FOCAD: variants seen among roughly 807,000 people sequenced by gnomAD.
The protein encoded by FOCAD is focadhesin.
FOCAD carries 198 observed loss-of-function variants against 225.6 expected under a neutral mutation model. The observed-to-expected ratio is 0.88, with a 90% CI of 0.78 to 0.99. The LOEUF (loss-of-function observed/expected upper bound fraction) is 0.99, where lower values mean the gene tolerates loss of function less well. Ranked by LOEUF, FOCAD falls within the 50% of genes least tolerant of loss-of-function variation. The pLI is 0.00. For synonymous variants in FOCAD, 897 were observed against 755.0 expected, an observed-to-expected ratio of 1.19 and a Z score of -3.08; for missense variants, 2,713 against 2,123.6, an observed-to-expected ratio of 1.28 and a Z score of -5.46.
At chr9:20,862,882 T>A (rs1046395780) in intron 16 of FOCAD, 170 bp downstream of exon 16, 2 of 511,516 alleles carry the variant, frequency 3.9e-6, no homozygotes, top group Non-Finnish European at 6.3e-6. Context: ...ATCAATCTTA[T>A]GTCTAAAATG....
chr9:20,808,048 GA>G (rs201024216), intron 11 of FOCAD, among the ~76,000 whole-genome samples: 36 of 142,150 alleles, frequency 2.5e-4, no homozygotes, highest in Middle Eastern at 3.6e-3. Context: ...CTCCGTCTAA[GA>G]AAAAAAAAAA....
chr9:20,859,724 A>C (rs1352835787), intron 15 of FOCAD, among the ~76,000 whole-genome samples: 3 of 147,638 alleles, frequency 2.0e-5, no homozygotes, highest in Non-Finnish European at 4.5e-5. Flanking sequence ...TTATATATAT[A>C]TATAAAAAGA....
At chr9:20,734,279 C>T (rs965996106) in intron 4 of FOCAD, among the ~76,000 whole-genome samples, 1 of 152,086 alleles carries the variant, frequency 6.6e-6, no homozygotes, top group Non-Finnish European at 1.5e-5. Flanking sequence ...GTCTTGGTTT[C>T]TGCTAGGATA....
chr9:20,838,401 A>G (rs1044897919), intron 15 of FOCAD, among the ~76,000 whole-genome samples: 7 of 152,032 alleles, frequency 4.6e-5, no homozygotes, highest in Admixed American at 6.6e-5. Context: ...GGGGGAGAAC[A>G]TTCTTTTTGC....
intron 35 of FOCAD, among the ~76,000 whole-genome samples, chr9:20,974,872 T>C (rs531596375): frequency 3.4e-4 from 52 of 152,284 alleles, no homozygotes; most frequent in African/African-American, 1.2e-3. Flanking sequence ...GCTTCTCCCA[T>C]CTTTCAGCAT....
intron 11 of FOCAD, among the ~76,000 whole-genome samples, chr9:20,790,326 T>A (rs1820390162): frequency 6.6e-6 from 1 of 152,184 alleles, no homozygotes; most frequent in Admixed American, 6.6e-5. Flanking sequence ...AATCAAGTAG[T>A]TTTGACATTT....
intron 1 of FOCAD, among the ~76,000 whole-genome samples, chr9:20,704,294 T>A (rs2131426051): frequency 6.6e-6 from 1 of 152,346 alleles, no homozygotes; most frequent in East Asian, 1.9e-4. Flanking sequence ...TTTACTATCT[T>A]GTTGTAAAAT....
At position 20,839,276 on chromosome 9, in the gene FOCAD, T is replaced by C. The variant is rs573470122; in HGVS notation, c.1920+16161T>C. 2.2e-3 allele frequency among the ~76,000 whole-genome samples: 325 copies of C among 150,720 alleles called. 8 individuals are homozygous for C. In the East Asian group the frequency reaches 0.042, roughly 19 times the overall value. ...CTTTCTTTCTTTTTTTTTTTTTTTT[T>C]GAGACTAGGTTTACTGCTGTTGCCC... On this transcript the variant is annotated intron_variant, in intron 15 of 43. Coordinates refer to ENST00000338382, the MANE Select transcript of FOCAD (RefSeq NM_001375567.1).
chr9:20,806,332 T>C (rs1017788484), intron 11 of FOCAD, among the ~76,000 whole-genome samples: 1 of 152,202 alleles, frequency 6.6e-6, no homozygotes, highest in African/African-American at 2.4e-5. Flanking sequence ...CCTGCCTCTT[T>C]CGGCCTCTTA....
chr9:20,724,778 A>G (rs1826061327), intron 4 of FOCAD, among the ~76,000 whole-genome samples: 1 of 152,100 alleles, frequency 6.6e-6, no homozygotes, highest in Admixed American at 6.5e-5. Context: ...TTAAGAAACA[A>G]GCTAATTAAA....
intron 11 of FOCAD, among the ~76,000 whole-genome samples, chr9:20,801,022 T>C (rs984273384): frequency 6.6e-6 from 1 of 152,088 alleles, no homozygotes; most frequent in African/African-American, 2.4e-5. Flanking sequence ...ACAGATGGGG[T>C]TTTGGTGTGG....
chr9:20,862,458 T>C (rs1221740433), intron 15 of FOCAD, 120 bp from the exon 16 acceptor site: 1 of 1,146,266 alleles, frequency 8.7e-7, no homozygotes, highest in Admixed American at 2.6e-5. Context: ...AGTCCTATCT[T>C]CTAGGCATAG....
intron 3 of FOCAD, 113 bp downstream of exon 3, chr9:20,717,981 T>C: frequency 1.3e-6 from 1 of 757,192 alleles, no homozygotes; most frequent in Non-Finnish European, 2.1e-6. Context: ...GAAATGCTTT[T>C]GAACTGTGAG....
intron 5 of FOCAD, 133 bp from the exon 6 acceptor site, chr9:20,757,957 C>G (rs1829208352): frequency 1.3e-5 from 6 of 467,432 alleles, no homozygotes; most frequent in East Asian, 3.6e-5. Flanking sequence ...AGCAAGTGAT[C>G]ATTTTGTGAC....
At chr9:20,842,634 G>T (rs1193848969) in intron 15 of FOCAD, among the ~76,000 whole-genome samples, 4 of 151,754 alleles carry the variant, frequency 2.6e-5, no homozygotes, top group African/African-American at 9.7e-5. Context: ...TATGTTTCTT[G>T]TAGACAGCAA....
chr9:20,672,111 A>G (rs1822081611), intron 2 of FOCAD, among the ~76,000 whole-genome samples: 1 of 152,316 alleles, frequency 6.6e-6, no homozygotes, highest in East Asian at 1.9e-4. Flanking sequence ...TGTGAAGGCA[A>G]CAAATAAGGA....
At chr9:20,955,706 AT>A (rs1006237252) in intron 35 of FOCAD, among the ~76,000 whole-genome samples, 1 of 151,884 alleles carries the variant, frequency 6.6e-6, no homozygotes, top group Non-Finnish European at 1.5e-5. Flanking sequence ...TAACATGGAT[AT>A]TTTTTCCCCC....
chr9:20,793,572 A>G (rs1298195189), intron 11 of FOCAD, among the ~76,000 whole-genome samples: 2 of 152,180 alleles, frequency 1.3e-5, no homozygotes, highest in South Asian at 4.1e-4. Flanking sequence ...GATGCTTACT[A>G]ATGTACTGAA....
chr9:20,858,076 G>A lies in FOCAD; in HGVS notation c.1921-4502G>A, dbSNP rs573576925. Reference sequence around the variant, plus strand: ...CTTTTTTTTGTTATATCTTTGTCTGGTTTTGGTATCAGGGTGATAATGGCC... The same window carrying A: ...CTTTTTTTTGTTATATCTTTGTCTGATTTTGGTATCAGGGTGATAATGGCC... On this transcript the variant is annotated intron_variant, in intron 15 of 43. Coordinates refer to ENST00000338382, the MANE Select transcript of FOCAD (RefSeq NM_001375567.1). Among the ~76,000 whole-genome samples, 28 of 151,870 alleles carry A rather than the reference G, an allele frequency of 1.8e-4. No individual in the cohort carries two copies. The South Asian group carries it at 5.6e-3, about 30-fold the overall frequency.
Sources: allele counts gnomAD v4.1 joint callset (sites outside exome capture counted in the v4.1 genomes callset), GRCh38; gene constraint gnomAD v4.1.1; transcripts MANE v1.5; gene names NCBI Gene and HGNC (gene_info 2026-07-23, HGNC 2026-07-21).